Variants in FAM13A observed in about 807,000 individuals in gnomAD.
FAM13A encodes the protein protein FAM13A.
FAM13A carries 76 observed loss-of-function variants against 129.6 expected under a neutral mutation model. The ratio of observed to expected loss-of-function variants is 0.59; its 90% CI spans 0.49 to 0.71. The LOEUF (loss-of-function observed/expected upper bound fraction) is 0.71. Ranked by LOEUF, FAM13A falls within the 30% of genes least tolerant of loss-of-function variation. The pLI is 0.00. For synonymous variants in FAM13A, 443 were observed against 449.9 expected (o/e 0.98, Z 0.20); for missense variants, 1,108 against 1,249.3 (o/e 0.89, Z 1.70).
At chr4:89,048,115 G>A (rs186146663) in intron 1 of FAM13A, among the ~76,000 whole-genome samples, 3 of 152,128 alleles carry the variant, frequency 2.0e-5, no homozygotes, top group East Asian at 1.9e-4. Context: ...CACACAACCC[G>A]ATAATTCTAC....
At chr4:89,048,674 A>G (rs1257397465) in intron 1 of FAM13A, among the ~76,000 whole-genome samples, 1 of 152,194 alleles carries the variant, frequency 6.6e-6, no homozygotes, top group Non-Finnish European at 1.5e-5. Flanking sequence ...GTCGGTAGAA[A>G]TAATATATTA....
At position 88,750,520 on chromosome 4, in the gene FAM13A, A is replaced by G; in HGVS notation, c.1844T>C (p.Met615Thr). 1 of 1,614,160 alleles carries G rather than the reference A, an allele frequency of 6.2e-7. No homozygotes were observed. Among genetic ancestry groups the G allele is most frequent in the Admixed American group, 1.7e-5 (1 of 60,026 alleles). ...ATAAGCGTAGAACCGAGGAGAGAGC[A>G]TGGGGTCGCTGTCTTCGTCCAGCAG... ...RQLLDEDSDP[M>T]LSPRFYAYGQ... The change falls in exon 15 of 24, where the codon ATG becomes ACG. Residue 615 changes from methionine (M) to threonine (T), a missense_variant. Physicochemically the swap from Met to Thr is moderately conservative, Grantham distance 81. Around this residue, in one of 3 missense-constraint regions of FAM13A, gnomAD observed 529 missense variants for 621.2 expected, o/e 0.85. Coordinates refer to ENST00000264344, the MANE Select transcript of FAM13A (RefSeq NM_014883.4).
At chr4:88,758,966 A>T in intron 13 of FAM13A, 65 bp from the exon 14 acceptor site, 1 of 1,522,304 alleles carries the variant, frequency 6.6e-7, no homozygotes, top group Non-Finnish European at 9.0e-7. Flanking sequence ...CGTCTGCAGC[A>T]ATTCCACTCC....
rs1721666489 is a variant in FAM13A, at chr4:88,776,163, A to G, written c.1458+5002T>C. Among the ~76,000 whole-genome samples the G allele has an allele frequency of 2.0e-5, 3 of 152,346 alleles. No individual in the cohort carries two copies. In the South Asian group the frequency reaches 6.2e-4, roughly 32 times the overall value. ...GAACATATTTGGAGAGAAGAGAAAC[A>G]ATTACCTCTAATACTACTGCCACCA... On this transcript the variant is annotated intron_variant, in intron 11 of 23. Transcript: ENST00000264344.
Position 88,881,266 on chromosome 4 carries a change from A to T in FAM13A, c.843+25113T>A, listed in dbSNP as rs564970419. ...TTCACTTAAGTGGGGGCTCGTATCC[A>T]TGTCTGAGAGACCTAAAAACAGTTC... On this transcript the variant is annotated intron_variant, in intron 6 of 23. Coordinates refer to ENST00000264344, the MANE Select transcript of FAM13A (RefSeq NM_014883.4). 2.6e-5 allele frequency among the ~76,000 whole-genome samples: 4 copies of T among 152,322 alleles called. No homozygotes were observed. The East Asian group carries it at 7.7e-4, about 29-fold the overall frequency.
chr4:88,873,518 G>T (rs185401379), intron 6 of FAM13A, among the ~76,000 whole-genome samples: 1 of 152,034 alleles, frequency 6.6e-6, no homozygotes, highest in African/African-American at 2.4e-5. Context: ...AATACCTCTA[G>T]GCAAATAAAC....
chr4:88,814,392 CAG>C (rs146119872), intron 7 of FAM13A, among the ~76,000 whole-genome samples: 3 of 151,438 alleles, frequency 2.0e-5, no homozygotes, highest in Admixed American at 1.3e-4. Flanking sequence ...ATGAGAGAGA[CAG>C]AGAGAGAGAG....
chr4:89,002,851 G>A (rs1764441822), intron 3 of FAM13A, among the ~76,000 whole-genome samples: 1 of 152,098 alleles, frequency 6.6e-6, no homozygotes, highest in Admixed American at 6.5e-5. Context: ...AGAGTATGGT[G>A]TTTTGCAAGA....
chr4:88,850,952 A>G (rs1364492072), intron 7 of FAM13A, 68 bp downstream of exon 7: 5 of 1,395,508 alleles, frequency 3.6e-6, no homozygotes, highest in Non-Finnish European at 5.0e-6. Flanking sequence ...AAATACCTAC[A>G]TATGCGGGCC....
intron 7 of FAM13A, chr4:88,823,127 A>C (rs1345915189): frequency 1.3e-6 from 2 of 1,513,660 alleles, no homozygotes; most frequent in Non-Finnish European, 1.8e-6. Flanking sequence ...GCTGCACCGC[A>C]CGGCTGGAGA....
chr4:88,878,956 G>C (rs947910053), intron 6 of FAM13A, among the ~76,000 whole-genome samples: 19 of 152,310 alleles, frequency 1.2e-4, no homozygotes, highest in Admixed American at 6.5e-4. Flanking sequence ...AGTCTATTTA[G>C]CTAATTACTT....
At chr4:88,834,824 TA>T (rs1324914609) in intron 7 of FAM13A, among the ~76,000 whole-genome samples, 1 of 152,324 alleles carries the variant, frequency 6.6e-6, no homozygotes, top group East Asian at 1.9e-4. Flanking sequence ...ACTTTGTTAA[TA>T]AAAGTTTAAA....
intron 3 of FAM13A, among the ~76,000 whole-genome samples, chr4:89,016,323 T>C (rs1042865808): frequency 6.6e-6 from 1 of 152,158 alleles, no homozygotes; most frequent in African/African-American, 2.4e-5. Flanking sequence ...CTAAGTGTTA[T>C]TTTAAAAGAA....
chr4:88,920,263 C>T (rs1021546422), intron 5 of FAM13A, among the ~76,000 whole-genome samples: 1 of 152,130 alleles, frequency 6.6e-6, no homozygotes, highest in Non-Finnish European at 1.5e-5. Context: ...GGACCCCTGA[C>T]CCCTGACCCC....
intron 6 of FAM13A, among the ~76,000 whole-genome samples, chr4:88,886,122 A>G (rs954378273): frequency 6.6e-6 from 1 of 152,244 alleles, no homozygotes; most frequent in Non-Finnish European, 1.5e-5. Context: ...TCCTTAAAGC[A>G]CTAAAAGTAG....
At chr4:88,743,724 G>A (rs1194412582) in intron 19 of FAM13A, among the ~76,000 whole-genome samples, 1 of 152,198 alleles carries the variant, frequency 6.6e-6, no homozygotes, top group East Asian at 1.9e-4. Flanking sequence ...GTTTCGCCAA[G>A]TTGTCTTCAT....
chr4:88,847,714 CA>C (rs1184953836), intron 7 of FAM13A, among the ~76,000 whole-genome samples: 4 of 152,128 alleles, frequency 2.6e-5, no homozygotes, highest in Non-Finnish European at 4.4e-5. Flanking sequence ...GCGGGTGGTT[CA>C]AGAGGTCAGG....
intron 4 of FAM13A, among the ~76,000 whole-genome samples, chr4:88,977,574 T>C (rs547060384): frequency 1.3e-5 from 2 of 152,194 alleles, no homozygotes; most frequent in Non-Finnish European, 2.9e-5. Flanking sequence ...TTATTTCATA[T>C]AGAAATTCAA....
chr4:88,727,243 C>T lies in FAM13A; in HGVS notation c.*1290G>A, dbSNP rs1037578578. On this transcript the variant is annotated 3_prime_UTR_variant, in exon 24 of 24. Transcript: ENST00000264344. Reference sequence around the variant, plus strand: ...GCCTCGCAAAGCACAAAGGTGGACACAGAACCCACTGTCCTTGGCGCAGGA... The same window carrying T: ...GCCTCGCAAAGCACAAAGGTGGACATAGAACCCACTGTCCTTGGCGCAGGA... 1 of 152,638 alleles carries T rather than the reference C, an allele frequency of 6.6e-6. No individual in the cohort carries two copies. The allele number at this position is 152,638 out of a possible 1,614,324, so 9.5% of individuals were successfully genotyped here. A position where few individuals can be genotyped will look rare whatever the true frequency, so the allele number is the denominator to read the frequency against.
Sources: gnomAD v4.1 joint callset for allele counts (sites outside exome capture counted in the v4.1 genomes callset) on GRCh38, gnomAD v4.1.1 for gene constraint, gnomAD v4.1.1 regional missense constraint, MANE v1.5 for transcripts, NCBI Gene and HGNC (gene_info 2026-07-23, HGNC 2026-07-21) for gene names.